RTL9: variants seen among roughly 807,000 people sequenced by gnomAD.
RTL9 encodes retrotransposon Gag-like protein 9.
RTL9 carries 19 observed loss-of-function variants against 44.7 expected under a neutral mutation model. That is an observed-to-expected ratio of 0.42 (90% CI 0.30 to 0.62). The LOEUF is 0.62. Among genes scored for constraint, RTL9 ranks in the 20% least tolerant of loss-of-function variants. The pLI is 0.16. For synonymous variants in RTL9, 407 were observed against 398.9 expected, an observed-to-expected ratio of 1.02 and a Z score of -0.24; for missense variants, 1,105 against 1,080.6, an observed-to-expected ratio of 1.02 and a Z score of -0.32.
chrX:110,364,895 T>C (rs1017995627), intron 1 of RTL9, among the ~76,000 whole-genome samples: 1 of 112,322 alleles, frequency 8.9e-6, no homozygotes, highest in Non-Finnish European at 1.9e-5. Context: ...GTGCCAACTA[T>C]ATTTGTTCCT....
chrX:110,384,841 G>T (rs1263217207), intron 1 of RTL9, among the ~76,000 whole-genome samples: 1 of 110,720 alleles, frequency 9.0e-6, no homozygotes, highest in East Asian at 2.8e-4. Flanking sequence ...GCAGAATAAA[G>T]AGGTGCAAAA....
At chrX:110,433,300 A>G (rs1349109002) in intron 1 of RTL9, among the ~76,000 whole-genome samples, 3 of 112,410 alleles carry the variant, frequency 2.7e-5, no homozygotes, top group African/African-American at 9.7e-5. Flanking sequence ...GATAACTTGA[A>G]TGGGGAAACA....
At chrX:110,452,624 G>A (rs748453288) in exon 1 of RTL9, 5 of 1,207,893 alleles carry the variant, frequency 4.1e-6, no homozygotes, top group Admixed American at 2.2e-5. Context: ...TGTCTGCATC[G>A]CTAATGAGAG....
chrX:110,385,428 C>A (rs1328380525), intron 1 of RTL9, among the ~76,000 whole-genome samples: 1 of 111,242 alleles, frequency 9.0e-6, no homozygotes, highest in Non-Finnish European at 1.9e-5. Context: ...CAGAGTTGTG[C>A]AACCATCACC....
At chrX:110,373,611 A>G (rs1363393705) in intron 1 of RTL9, among the ~76,000 whole-genome samples, 3 of 112,553 alleles carry the variant, frequency 2.7e-5, no homozygotes, top group Non-Finnish European at 5.6e-5. Context: ...TGGGAGAATT[A>G]TGTCCCAAGA....
intron 1 of RTL9, among the ~76,000 whole-genome samples, chrX:110,382,044 A>T (rs1161792272): frequency 8.9e-6 from 1 of 111,829 alleles, no homozygotes; most frequent in Non-Finnish European, 1.9e-5. Context: ...CATTTTAGAC[A>T]GATTAATCTA....
intron 1 of RTL9, among the ~76,000 whole-genome samples, chrX:110,424,074 T>C (rs1403717026): frequency 1.8e-5 from 2 of 111,766 alleles, no homozygotes; most frequent in Non-Finnish European, 3.8e-5. Flanking sequence ...CACAAAGCTA[T>C]GAGGTAGGTA....
intron 1 of RTL9, among the ~76,000 whole-genome samples, chrX:110,380,603 T>A (rs929194851): frequency 8.9e-6 from 1 of 112,380 alleles, no homozygotes; most frequent in Non-Finnish European, 1.9e-5. Context: ...ATTTTAAAAT[T>A]CATATGGAAT....
chrX:110,403,264 G>C (rs774865354), intron 1 of RTL9, among the ~76,000 whole-genome samples: 1 of 112,123 alleles, frequency 8.9e-6, no homozygotes, highest in African/African-American at 3.2e-5. Flanking sequence ...AAATTTGTGG[G>C]CATATTCATA....
At chrX:110,368,970 G>A (rs2068317461) in intron 1 of RTL9, among the ~76,000 whole-genome samples, 1 of 111,765 alleles carries the variant, frequency 8.9e-6, no homozygotes, top group Non-Finnish European at 1.9e-5. Context: ...GTCTTTACAT[G>A]AGGACTTCCA....
chrX:110,420,594 T>G (rs887692872), intron 1 of RTL9, among the ~76,000 whole-genome samples: 2 of 112,201 alleles, frequency 1.8e-5, no homozygotes. Context: ...GTTTAGGACT[T>G]AAACAAACTT....
chrX:110,439,822 C>T (rs2068866777), intron 1 of RTL9: 1 of 110,819 alleles, frequency 9.0e-6, no homozygotes, highest in African/African-American at 3.3e-5. Flanking sequence ...AGATGACCTT[C>T]CCTAGGCCCT....
At chrX:110,410,083 C>G (rs1285961742) in intron 1 of RTL9, among the ~76,000 whole-genome samples, 1 of 111,732 alleles carries the variant, frequency 8.9e-6, no homozygotes, top group Non-Finnish European at 1.9e-5. Flanking sequence ...TTAGGGAAAC[C>G]ACTCAGACTG....
chrX:110,392,637 C>A (rs772617077), intron 1 of RTL9, among the ~76,000 whole-genome samples: 4 of 111,183 alleles, frequency 3.6e-5, no homozygotes, highest in Non-Finnish European at 7.5e-5. Context: ...TTTACAAGGG[C>A]TCACGCAAGA....
intron 1 of RTL9, among the ~76,000 whole-genome samples, chrX:110,381,694 C>T (rs988929112): frequency 1.8e-5 from 2 of 111,037 alleles, no homozygotes; most frequent in Middle Eastern, 4.6e-3. Flanking sequence ...GATAGTGGAT[C>T]GGATAAAGAA....
At chrX:110,373,657 T>G (rs747024158) in intron 1 of RTL9, among the ~76,000 whole-genome samples, 49 of 112,555 alleles carry the variant, frequency 4.4e-4, no homozygotes, top group Middle Eastern at 4.6e-3. Context: ...AAGGACTTTA[T>G]TTTTTGGGTT....
At chrX:110,375,843 T>C (rs1242539685) in intron 1 of RTL9, among the ~76,000 whole-genome samples, 2 of 111,893 alleles carry the variant, frequency 1.8e-5, no homozygotes, top group African/African-American at 6.5e-5. Flanking sequence ...TTGAGTGAGG[T>C]AAATAAAACA....
intron 1 of RTL9, among the ~76,000 whole-genome samples, chrX:110,382,029 A>T (rs540504037): frequency 1.8e-5 from 2 of 111,723 alleles, no homozygotes; most frequent in Admixed American, 9.5e-5. Context: ...AAATTTAAAC[A>T]GCTGCATTTT....
At chrX:110,380,965 T>C (rs1252262399) in intron 1 of RTL9, among the ~76,000 whole-genome samples, 1 of 112,438 alleles carries the variant, frequency 8.9e-6, no homozygotes, top group Non-Finnish European at 1.9e-5. Flanking sequence ...AAGACTTAAA[T>C]GTAAGACTTC....
Sources: gnomAD v4.1 joint callset for allele counts (sites outside exome capture counted in the v4.1 genomes callset) on GRCh38, gnomAD v4.1.1 for gene constraint, MANE v1.5 for transcripts, NCBI Gene and HGNC (gene_info 2026-07-23, HGNC 2026-07-21) for gene names.